Variants in TAFA4 observed in about 807,000 individuals in gnomAD.
TAFA4 encodes TAFA chemokine like family member 4.
A neutral mutation model predicts 21.1 loss-of-function variants in TAFA4; 20 were observed. That is an observed-to-expected ratio of 0.95 (90% confidence interval 0.67 to 1.38). The LOEUF (loss-of-function observed/expected upper bound fraction) is 1.38, where lower values mean the gene tolerates loss of function less well. TAFA4 is among the 40% of genes most tolerant of loss of function. The probability of loss-of-function intolerance (pLI) is 0.00; values close to 1 mark genes in which losing one functional copy is unlikely to be tolerated. For missense variants in TAFA4, 211 were observed against 180.9 expected, an observed-to-expected ratio of 1.17 and a Z score of -0.95; for synonymous variants, 71 against 67.4, an observed-to-expected ratio of 1.05 and a Z score of -0.26.
chr3:68,812,875 C>T (rs1181831369), intron 3 of TAFA4, among the ~76,000 whole-genome samples: 2 of 150,544 alleles, frequency 1.3e-5, no homozygotes, highest in African/African-American at 2.5e-5. Context: ...AATATACATT[C>T]TTTTCAGCAC....
chr3:68,814,148 G>A (rs1703907242), intron 3 of TAFA4, among the ~76,000 whole-genome samples: 1 of 152,096 alleles, frequency 6.6e-6, no homozygotes, highest in Non-Finnish European at 1.5e-5. Flanking sequence ...AATAAATTAG[G>A]TATTGATGGG....
At position 68,880,652 on chromosome 3, in the gene TAFA4, C is replaced by G. The variant is rs2089605696; in HGVS notation, c.130+78G>C. ...ACCATCAGAAGCTCACATCAGTTAT[C>G]TGTGTCTAAAATGTGGACTCTGACA... On this transcript the variant is annotated intron_variant, in intron 3 of 5. Coordinates refer to ENST00000295569, the MANE Select transcript of TAFA4 (RefSeq NM_182522.5). 3 of 1,166,204 alleles carry G rather than the reference C, an allele frequency of 2.6e-6. No homozygotes were observed. The South Asian group carries it at 3.8e-5, about 15-fold the overall frequency. 72.2% of individuals were successfully genotyped at this position (1,166,204 alleles called of 1,614,324 possible).
chr3:68,755,404 CTGAG>C (rs1469503683), intron 3 of TAFA4, among the ~76,000 whole-genome samples: 8 of 152,168 alleles, frequency 5.3e-5, no homozygotes, highest in Non-Finnish European at 4.4e-5. Flanking sequence ...ATGGCTCGAC[CTGAG>C]TGAGTAATTC....
intron 3 of TAFA4, among the ~76,000 whole-genome samples, chr3:68,873,518 GAT>G (rs1377195206): frequency 6.6e-6 from 1 of 152,044 alleles, no homozygotes; most frequent in Non-Finnish European, 1.5e-5. Flanking sequence ...TTTCCTATTG[GAT>G]ATGTTTAGCC....
intron 3 of TAFA4, among the ~76,000 whole-genome samples, chr3:68,829,893 A>G (rs911579443): frequency 2.0e-5 from 3 of 152,042 alleles, no homozygotes; most frequent in Admixed American, 6.5e-5. Flanking sequence ...CAGAGATTCA[A>G]CTTCTTCCTG....
intron 1 of TAFA4, among the ~76,000 whole-genome samples, chr3:68,910,804 A>G (rs1468401392): frequency 1.3e-5 from 2 of 152,216 alleles, no homozygotes; most frequent in African/African-American, 2.4e-5. Flanking sequence ...TTTTCTTTGC[A>G]TAGTTCAGCA....
At chr3:68,751,144 A>C (rs555947556) in intron 4 of TAFA4, among the ~76,000 whole-genome samples, 60 of 152,318 alleles carry the variant, frequency 3.9e-4, no homozygotes, top group African/African-American at 1.2e-3. Context: ...AATGAAAAGA[A>C]ATGGGAAGAA....
intron 3 of TAFA4, among the ~76,000 whole-genome samples, chr3:68,763,180 T>C (rs1702786808): frequency 6.6e-6 from 1 of 152,290 alleles, no homozygotes; most frequent in South Asian, 2.1e-4. Context: ...GTGATTTAAG[T>C]AGCAAAGGCC....
chr3:68,870,398 C>T (rs373047394), intron 3 of TAFA4, among the ~76,000 whole-genome samples: 18 of 151,898 alleles, frequency 1.2e-4, no homozygotes, highest in Middle Eastern at 3.4e-3. Flanking sequence ...CAAAACAATC[C>T]GAACTGGACA....
intron 3 of TAFA4, among the ~76,000 whole-genome samples, chr3:68,766,106 A>G (rs555171043): frequency 2.1e-4 from 32 of 152,198 alleles, no homozygotes; most frequent in Non-Finnish European, 4.1e-4. Context: ...AAAAGCACCT[A>G]AACATACCAA....
intron 3 of TAFA4, among the ~76,000 whole-genome samples, chr3:68,761,316 A>G (rs539863477): frequency 6.6e-6 from 1 of 152,258 alleles, no homozygotes; most frequent in African/African-American, 2.4e-5. Flanking sequence ...AGCACATGCT[A>G]ATATAACACT....
At chr3:68,904,393 A>C (rs1252394589) in intron 1 of TAFA4, among the ~76,000 whole-genome samples, 2 of 152,222 alleles carry the variant, frequency 1.3e-5, no homozygotes, top group Admixed American at 6.5e-5. Context: ...TGACGTTTCT[A>C]AGATATTTAG....
At chr3:68,856,398 G>C (rs914111814) in intron 3 of TAFA4, among the ~76,000 whole-genome samples, 3 of 152,162 alleles carry the variant, frequency 2.0e-5, no homozygotes, top group Admixed American at 6.6e-5. Context: ...AAAAGTGTAA[G>C]ATAGGCACCA....
chr3:68,753,857 C>T (rs1702609574), intron 3 of TAFA4, among the ~76,000 whole-genome samples: 1 of 152,230 alleles, frequency 6.6e-6, no homozygotes, highest in South Asian at 2.1e-4. Flanking sequence ...TCCCCAGAGC[C>T]TCCCCATAAA....
chr3:68,836,740 G>T (rs957755484), intron 3 of TAFA4, among the ~76,000 whole-genome samples: 15 of 150,190 alleles, frequency 1.0e-4, no homozygotes, highest in African/African-American at 3.8e-4. Context: ...TACTAATTTG[G>T]AACCCACTTT....
At chr3:68,776,276 A>G (rs1435229167) in intron 3 of TAFA4, among the ~76,000 whole-genome samples, 1 of 152,172 alleles carries the variant, frequency 6.6e-6, no homozygotes. Flanking sequence ...TATCTATAAG[A>G]GGTTCACTGT....
chr3:68,827,391 A>G (rs1422388110), intron 3 of TAFA4, among the ~76,000 whole-genome samples: 1 of 152,122 alleles, frequency 6.6e-6, no homozygotes, highest in Non-Finnish European at 1.5e-5. Flanking sequence ...AATCCTTTGG[A>G]TATATACACA....
intron 1 of TAFA4, among the ~76,000 whole-genome samples, chr3:68,925,212 C>T (rs184850345): frequency 4.0e-5 from 6 of 150,956 alleles, no homozygotes; most frequent in African/African-American, 7.4e-5. Flanking sequence ...TCTGTGTGTG[C>T]GTGTGTGTGA....
intron 2 of TAFA4, 93 bp downstream of exon 2, chr3:68,885,082 A>C: frequency 8.0e-7 from 1 of 1,253,870 alleles, no homozygotes; most frequent in South Asian, 1.3e-5. Context: ...CAGGCTTCTA[A>C]AACGGATCAT....
Sources: gnomAD v4.1 joint callset for allele counts (sites outside exome capture counted in the v4.1 genomes callset) on GRCh38, gnomAD v4.1.1 for gene constraint, MANE v1.5 for transcripts, NCBI Gene and HGNC (gene_info 2026-07-23, HGNC 2026-07-21) for gene names.